SLC38A6: variants seen among roughly 807,000 people sequenced by gnomAD.
SLC38A6 encodes the protein N system amino acid transporter NAT-1.
Under a neutral mutation model 65.0 loss-of-function variants are expected in SLC38A6, and 73 were observed. The ratio of observed to expected loss-of-function variants is 1.12; its 90% CI spans 0.93 to 1.37. SLC38A6 has a LOEUF of 1.37. SLC38A6 is among the 40% of genes most tolerant of loss of function. SLC38A6 has a pLI of 0.00. For missense variants in SLC38A6, 561 were observed against 531.1 expected, an observed-to-expected ratio of 1.06 and a Z score of -0.55; for synonymous variants, 183 against 178.8, an observed-to-expected ratio of 1.02 and a Z score of -0.19.
At chr14:61,022,525 T>C (rs1338669210) in intron 5 of SLC38A6, among the ~76,000 whole-genome samples, 1 of 150,816 alleles carries the variant, frequency 6.6e-6, no homozygotes, top group East Asian at 1.9e-4. Flanking sequence ...CAATGACCAA[T>C]GTTACTTCAT....
At chr14:60,998,596 C>T (rs1348212581) in intron 3 of SLC38A6, among the ~76,000 whole-genome samples, 2 of 152,158 alleles carry the variant, frequency 1.3e-5, no homozygotes, top group East Asian at 3.9e-4. Context: ...TTCCTGGACA[C>T]AGGAAAAGAA....
At chr14:61,052,285 T>C in intron 15 of SLC38A6, 64 bp from the exon 16 acceptor site, 1 of 1,385,594 alleles carries the variant, frequency 7.2e-7, no homozygotes, top group Non-Finnish European at 9.8e-7. Flanking sequence ...AATAATCCAA[T>C]TGTATTTTTT....
chr14:61,035,907 TC>T (rs1314352747), intron 6 of SLC38A6, among the ~76,000 whole-genome samples: 1 of 152,182 alleles, frequency 6.6e-6, no homozygotes. Context: ...TTTAAGTATA[TC>T]CTTCTGGCTT....
intron 11 of SLC38A6, 91 bp downstream of exon 11, chr14:61,045,516 C>T: frequency 1.1e-6 from 1 of 939,282 alleles, no homozygotes; most frequent in South Asian, 1.5e-5. Context: ...TTTATTAATC[C>T]TTTCCTCTCA....
intron 3 of SLC38A6, among the ~76,000 whole-genome samples, chr14:60,989,264 C>T (rs189264642): frequency 5.8e-4 from 89 of 152,334 alleles, no homozygotes; most frequent in Middle Eastern, 3.4e-3. Context: ...CTCTTGCCTA[C>T]ATCACTCCAG....
At chr14:60,986,555 T>C (rs2037464647) in intron 3 of SLC38A6, among the ~76,000 whole-genome samples, 1 of 152,158 alleles carries the variant, frequency 6.6e-6, no homozygotes, top group African/African-American at 2.4e-5. Context: ...CAGATGAAAA[T>C]ACTAGGAAGC....
At chr14:61,047,358 T>C (rs1389254436) in intron 12 of SLC38A6, among the ~76,000 whole-genome samples, 1 of 152,190 alleles carries the variant, frequency 6.6e-6, no homozygotes, top group Non-Finnish European at 1.5e-5. Context: ...AATACATTTA[T>C]TGAGCTAACA....
chr14:60,983,844 T>C (rs2037258506), intron 2 of SLC38A6, among the ~76,000 whole-genome samples: 1 of 152,230 alleles, frequency 6.6e-6, no homozygotes, highest in South Asian at 2.1e-4. Context: ...TACATGCAGA[T>C]ATATACTGCT....
chr14:61,030,278 T>C (rs982176662), intron 5 of SLC38A6, among the ~76,000 whole-genome samples, 167 bp from the exon 6 acceptor site: 1 of 151,824 alleles, frequency 6.6e-6, no homozygotes, highest in African/African-American at 2.4e-5. Context: ...TGTGTGTGTG[T>C]GTGTGTGTGT....
chr14:60,986,795 G>T (rs2037480434), intron 3 of SLC38A6, among the ~76,000 whole-genome samples: 1 of 152,134 alleles, frequency 6.6e-6, no homozygotes, highest in South Asian at 2.1e-4. Flanking sequence ...AGTCAACTAT[G>T]TGGCAATTAT....
chr14:60,989,328 A>G lies in SLC38A6; in HGVS notation c.310+4525A>G, dbSNP rs576804298. On this transcript the variant is annotated intron_variant, in intron 3 of 15. Coordinates refer to ENST00000267488, the MANE Select transcript of SLC38A6 (RefSeq NM_153811.3). ...GGCCCTTTTCTACCATTTCCTTCCT[A>G]TCATTTTACAAATAGTCTAATTTCT... Among the ~76,000 whole-genome samples the G allele has an allele frequency of 2.0e-5, 3 of 152,130 alleles. No homozygotes were observed. The East Asian group carries it at 5.8e-4, about 29-fold the overall frequency.
rs537635334 is a variant in SLC38A6, at chr14:61,077,931, G to C, written c.1291-879G>C. ...GCAATCTAGAACTTTATTCTGGCGAGAGCAAATTCTCAAATTATATTTCCA... is the reference window on the plus strand; with the variant it reads ...GCAATCTAGAACTTTATTCTGGCGACAGCAAATTCTCAAATTATATTTCCA... On this transcript the variant is annotated intron_variant, in intron 15 of 16. Transcript: ENST00000354886. 2.4e-4 allele frequency among the ~76,000 whole-genome samples: 37 copies of C among 152,310 alleles called. 1 individual carries two copies. The highest frequency in any genetic ancestry group is 8.4e-4 in the African/African-American group (35 of 41,566).
chr14:60,982,281 G>A (rs556138137), intron 1 of SLC38A6: 60 of 580,398 alleles, frequency 1.0e-4, no homozygotes, highest in Non-Finnish European at 1.8e-4. Context: ...CCTGTCTTGT[G>A]TACTGGTGGA....
At chr14:60,992,111 CGTACTT>C (rs1484297794) in intron 3 of SLC38A6, among the ~76,000 whole-genome samples, 3 of 152,140 alleles carry the variant, frequency 2.0e-5, no homozygotes, top group Non-Finnish European at 4.4e-5. Context: ...CATCTTTATC[CGTACTT>C]GTACTTTACT....
chr14:61,023,975 G>A (rs2040481001), intron 5 of SLC38A6, among the ~76,000 whole-genome samples: 2 of 152,150 alleles, frequency 1.3e-5, no homozygotes, highest in South Asian at 4.1e-4. Context: ...TAAGAGGGGA[G>A]AGGGGGAAAA....
chr14:61,019,844 G>A (rs930528658), intron 5 of SLC38A6, among the ~76,000 whole-genome samples: 3 of 151,960 alleles, frequency 2.0e-5, no homozygotes, highest in Non-Finnish European at 4.4e-5. Context: ...TTGGCTTTCT[G>A]TGATTCTGAA....
chr14:60,981,612 G>C, intron 1 of SLC38A6: 1 of 1,480,400 alleles, frequency 6.8e-7, no homozygotes, highest in Non-Finnish European at 9.0e-7. Flanking sequence ...AAAGCGTCGG[G>C]TGGAAGAGAT....
Position 61,043,155 on chromosome 14 carries a change from T to TA in SLC38A6, c.639dup (p.Trp214MetfsTer24), listed in dbSNP as rs2041912798. The TA allele has an allele frequency of 6.5e-7, 1 of 1,529,128 alleles. No homozygotes were observed. The highest frequency in any genetic ancestry group is 8.9e-7 in the Non-Finnish European group (1 of 1,120,946). The allele number at this position is 1,529,128 out of a possible 1,614,324, so 94.7% of individuals were successfully genotyped here. On this transcript the variant is annotated frameshift_variant, in exon 9 of 16. Coordinates refer to ENST00000267488, the MANE Select transcript of SLC38A6 (RefSeq NM_153811.3). LOFTEE classifies it high-confidence loss of function. ...TCTGTTTACTTTTTTAGGTAATAAT[T>TA]AAAAAATGGTCCATCCCTTGTCCTC...
intron 3 of SLC38A6, among the ~76,000 whole-genome samples, chr14:60,992,473 T>C (rs2037973192): frequency 6.9e-6 from 1 of 145,080 alleles, no homozygotes; most frequent in African/African-American, 2.6e-5. Flanking sequence ...CCATAACCCC[T>C]CCCCAGGATT....
Sources: gnomAD v4.1 joint callset for allele counts (sites outside exome capture counted in the v4.1 genomes callset) on GRCh38, gnomAD v4.1.1 for gene constraint, MANE v1.5 for transcripts, NCBI Gene and HGNC (gene_info 2026-07-23, HGNC 2026-07-21) for gene names.